Variants in UBE2E1 observed in about 807,000 individuals in gnomAD.
UBE2E1 encodes ubiquitin conjugating enzyme E2 E1.
In UBE2E1, 6 loss-of-function variants were observed where a neutral mutation model predicts 21.4. That is an observed-to-expected ratio of 0.28 (90% CI 0.15 to 0.55). The LOEUF (loss-of-function observed/expected upper bound fraction) is 0.55, where lower values mean the gene tolerates loss of function less well. Among genes scored for constraint, UBE2E1 ranks in the 20% least tolerant of loss-of-function variants. UBE2E1 has a pLI of 0.93. For synonymous variants in UBE2E1, 87 were observed against 82.7 expected (o/e 1.05, Z -0.28); for missense variants, 142 against 236.5 (o/e 0.60, Z 2.62).
rs1180250391 is a variant in UBE2E1 at position 23,806,382 on chromosome 3, G to T, written c.-34+294G>T. Among the ~76,000 whole-genome samples, 1 of 151,524 alleles carries T rather than the reference G, an allele frequency of 6.6e-6. No homozygotes were observed. The highest frequency in any genetic ancestry group is 2.4e-5 in the African/African-American group (1 of 41,350). The stretch of plus-strand genomic sequence containing the variant: ...CCCCAAGAGCCCCCCACTGGCCACC[G>T]AGGGGCCCGGGAGCGGGGGTGGGAG... On this transcript the variant is annotated intron_variant, in intron 1 of 5. Transcript: ENST00000306627. The surrounding 1 kb of genome is among the most constrained non-coding windows in gnomAD (Gnocchi z 6.5).
chr3:23,884,648 C>G (rs1166247445), intron 3 of UBE2E1, among the ~76,000 whole-genome samples: 1 of 152,174 alleles, frequency 6.6e-6, no homozygotes, highest in African/African-American at 2.4e-5. Context: ...AACATGTCAC[C>G]TCTAGGGCCT....
In UBE2E1 at chr3:23,842,241, GT is replaced by G. The variant is rs1447014531; in HGVS notation, c.203+30732del. On this transcript the variant is annotated intron_variant, in intron 3 of 5. Transcript: ENST00000306627. The surrounding 1 kb of genome is among the most constrained non-coding windows in gnomAD (Gnocchi z 4.6). ...TGTGTGTGTGTGTGTGTGTGTGTGT[GT>G]GTGTGTGGTGTTGTTGTTGTTGGCG... Among the ~76,000 whole-genome samples, 1,183 of 67,654 alleles carry G rather than the reference GT, an allele frequency of 0.017. 23 individuals carry two copies. Among genetic ancestry groups the G allele is most frequent in the African/African-American group, 0.062 (1,114 of 18,012 alleles). The allele number at this position is 67,654 out of a possible 152,430, so 44.4% of individuals were successfully genotyped here. A position where few individuals can be genotyped will look rare whatever the true frequency, so the allele number is the denominator to read the frequency against.
At chr3:23,885,499 A>G (rs930591244) in intron 3 of UBE2E1, among the ~76,000 whole-genome samples, 2 of 152,200 alleles carry the variant, frequency 1.3e-5, no homozygotes, top group African/African-American at 2.4e-5. Context: ...TTGCCATCAG[A>G]TATCGTGTAA....
chr3:23,834,911 T>C (rs1699947455), intron 3 of UBE2E1, among the ~76,000 whole-genome samples: 1 of 152,200 alleles, frequency 6.6e-6, no homozygotes, highest in Non-Finnish European at 1.5e-5. Context: ...GAATTCATAC[T>C]GAATTATGTT....
At chr3:23,826,161 T>C (rs956759864) in intron 3 of UBE2E1, among the ~76,000 whole-genome samples, 1 of 152,238 alleles carries the variant, frequency 6.6e-6, no homozygotes, top group African/African-American at 2.4e-5. Context: ...TACTGACCTT[T>C]ATGTAACAGT....
At chr3:23,888,302 A>G (rs745346704) in intron 4 of UBE2E1, 15 of 456,618 alleles carry the variant, frequency 3.3e-5, no homozygotes, top group East Asian at 6.9e-5. Context: ...TACTCAATCT[A>G]TGATTCTCAT....
intron 3 of UBE2E1, among the ~76,000 whole-genome samples, chr3:23,851,708 G>C (rs1180304935): frequency 2.0e-5 from 3 of 152,062 alleles, no homozygotes; most frequent in Middle Eastern, 3.2e-3. Context: ...AGGCTGAGGT[G>C]GGAAGATCAG....
Position 23,806,513 on chromosome 3 carries a change from C to A in UBE2E1, c.-34+425C>A, listed in dbSNP as rs1325145184. ...TGTCTTCGCTGCGGAGGCCGACCCC[C>A]CCATTCCCCGCCGCAGCCCCTATCC... On this transcript the variant is annotated intron_variant, in intron 1 of 5. Coordinates refer to ENST00000306627, the MANE Select transcript of UBE2E1 (RefSeq NM_003341.5). The surrounding 1 kb of genome is among the most constrained non-coding windows in gnomAD (Gnocchi z 6.5). 2.0e-5 allele frequency among the ~76,000 whole-genome samples: 3 copies of A among 151,738 alleles called. No individual in the cohort carries two copies. The highest frequency in any genetic ancestry group is 2.9e-5 in the Non-Finnish European group (2 of 67,856).
chr3:23,875,139 G>A (rs142473341), intron 3 of UBE2E1, among the ~76,000 whole-genome samples: 37 of 152,274 alleles, frequency 2.4e-4, no homozygotes, highest in African/African-American at 7.9e-4. Flanking sequence ...ATATTGGAAT[G>A]TAAATTTCCA....
At chr3:23,865,413 G>A (rs1700635095) in intron 3 of UBE2E1, among the ~76,000 whole-genome samples, 1 of 152,170 alleles carries the variant, frequency 6.6e-6, no homozygotes, top group Non-Finnish European at 1.5e-5. Context: ...GAGTGCAGTG[G>A]TGCAATCTCG....
intron 3 of UBE2E1, among the ~76,000 whole-genome samples, chr3:23,859,991 T>A (rs1700518361): frequency 6.6e-6 from 1 of 152,230 alleles, no homozygotes; most frequent in African/African-American, 2.4e-5. Context: ...TTACTTTGTT[T>A]TGAAGAAGCA....
At chr3:23,868,716 T>C (rs1700710480) in intron 3 of UBE2E1, among the ~76,000 whole-genome samples, 1 of 151,612 alleles carries the variant, frequency 6.6e-6, no homozygotes, top group African/African-American at 2.4e-5. Context: ...GTAAACACAG[T>C]GTTGTTTTTT....
chr3:23,810,831 T>G lies in UBE2E1; in HGVS notation c.153-629T>G. 5.6e-6 allele frequency: 1 copy of G among 177,910 alleles called. No individual in the cohort carries two copies. Among genetic ancestry groups the G allele is most frequent in the Non-Finnish European group, 1.2e-5 (1 of 86,138 alleles). 11.0% of individuals were successfully genotyped at this position (177,910 alleles called of 1,614,324 possible). ...GGGTGGGGGCGGCGTGGCCGGGCGG[T>G]GGCAGCCCACCGCTGGGGAGCGACC... On this transcript the variant is annotated intron_variant, in intron 2 of 5. Transcript: ENST00000306627. This position sits in a 1 kb window ranked among gnomAD's most constrained non-coding sequence, Gnocchi z 5.8.
At chr3:23,888,801 A>G (rs1296266492) in intron 4 of UBE2E1, among the ~76,000 whole-genome samples, 3 of 152,240 alleles carry the variant, frequency 2.0e-5, no homozygotes, top group African/African-American at 7.2e-5. Flanking sequence ...TAGTACTACC[A>G]GCTAACACAA....
intron 3 of UBE2E1, among the ~76,000 whole-genome samples, chr3:23,832,210 A>C (rs1699882345): frequency 6.6e-6 from 1 of 152,246 alleles, no homozygotes; most frequent in Non-Finnish European, 1.5e-5. Context: ...AGGGAAATAA[A>C]AACAGAATTC....
At chr3:23,811,555 C>A in intron 3 of UBE2E1, 45 bp downstream of exon 3, 1 of 1,578,042 alleles carries the variant, frequency 6.3e-7, no homozygotes, top group Non-Finnish European at 8.7e-7. Flanking sequence ...ATTCTTCTAA[C>A]CTTTGTCTTG....
Position 23,823,676 on chromosome 3 carries a change from T to C in UBE2E1, c.203+12166T>C, listed in dbSNP as rs182100217. Among the ~76,000 whole-genome samples the C allele has an allele frequency of 6.6e-6, 1 of 152,362 alleles. No individual in the cohort carries two copies. Among genetic ancestry groups the C allele is most frequent in the Admixed American group, 6.5e-5 (1 of 15,302 alleles). On this transcript the variant is annotated intron_variant, in intron 3 of 5. Coordinates refer to ENST00000306627, the MANE Select transcript of UBE2E1 (RefSeq NM_003341.5). The surrounding 1 kb of genome is among the most constrained non-coding windows in gnomAD (Gnocchi z 4.2). Reference sequence around the variant, plus strand: ...AGACCCTAAAAGAAAACATTTGTTTTATTACAAGCACCCAGGAGGATTTTT... The same window carrying C: ...AGACCCTAAAAGAAAACATTTGTTTCATTACAAGCACCCAGGAGGATTTTT...
At chr3:23,860,869 A>G (rs895135295) in intron 3 of UBE2E1, among the ~76,000 whole-genome samples, 2 of 152,248 alleles carry the variant, frequency 1.3e-5, no homozygotes, top group African/African-American at 4.8e-5. Context: ...AATGGTGAAC[A>G]TTCTTTGAAC....
chr3:23,864,710 T>G (rs115829353), intron 3 of UBE2E1, among the ~76,000 whole-genome samples: 2,232 of 152,336 alleles, frequency 0.015, 65 homozygotes, highest in African/African-American at 0.052. Context: ...ATCTTCTAGT[T>G]TGTTTTGATT....
Sources: allele counts gnomAD v4.1 joint callset (sites outside exome capture counted in the v4.1 genomes callset), GRCh38; gene constraint gnomAD v4.1.1; non-coding constraint Gnocchi (gnomAD v3.1); transcripts MANE v1.5; gene names NCBI Gene and HGNC (gene_info 2026-07-23, HGNC 2026-07-21).